The following C4orf50 variants were observed in gnomAD, a reference collection of about 807,000 sequenced individuals.
C4orf50 encodes the protein uncharacterized protein C4orf50.
A neutral mutation model predicts 77.2 loss-of-function variants in C4orf50; 80 were observed. The ratio of observed to expected loss-of-function variants is 1.04; its 90% CI spans 0.87 to 1.25. C4orf50 has a LOEUF of 1.25. Ranked by LOEUF, C4orf50 falls within the 50% of genes most tolerant of loss-of-function variation. The probability of loss-of-function intolerance (pLI) is 0.00; values close to 1 mark genes in which losing one functional copy is unlikely to be tolerated. For synonymous variants in C4orf50, 532 were observed against 465.3 expected, an observed-to-expected ratio of 1.14 and a Z score of -1.84; for missense variants, 1,257 against 1,152.9, an observed-to-expected ratio of 1.09 and a Z score of -1.31.
chr4:5,985,178 A>G (rs1466654111), intron 28 of C4orf50, among the ~76,000 whole-genome samples: 5 of 152,136 alleles, frequency 3.3e-5, no homozygotes, highest in Admixed American at 2.6e-4. Context: ...AATTGTTTTC[A>G]TAAAAAGAAA....
chr4:5,914,911 C>G (rs1397370096), intron 7 of C4orf50, among the ~76,000 whole-genome samples: 2 of 152,196 alleles, frequency 1.3e-5, no homozygotes, highest in Non-Finnish European at 2.9e-5. Flanking sequence ...TAGTCTATTT[C>G]CCTACTAGGA....
rs2152480299 is a variant in C4orf50, at chr4:5,905,723, C to T, written c.*2475-7535G>A. On this transcript the variant is annotated intron_variant, in intron 7 of 7. Transcript: ENST00000324058. This position sits in a 1 kb window ranked among gnomAD's most constrained non-coding sequence, Gnocchi z 5.4. ...GATATGGAAATTTTATGTTACTAAG[C>T]ATTCATGCACATTCTGTAGAGAGGG... Among the ~76,000 whole-genome samples, 1 of 152,344 alleles carries T rather than the reference C, an allele frequency of 6.6e-6. No homozygotes were observed. The highest frequency in any genetic ancestry group is 2.4e-5 in the African/African-American group (1 of 41,572).
At chr4:5,964,143 A>AG (rs1301240065) in intron 33 of C4orf50, among the ~76,000 whole-genome samples, 1 of 152,226 alleles carries the variant, frequency 6.6e-6, no homozygotes, top group African/African-American at 2.4e-5. Context: ...AGGGCAATTG[A>AG]GGACCTATTT....
At chr4:5,921,686 C>T (rs191300841) in intron 7 of C4orf50, among the ~76,000 whole-genome samples, 12 of 151,980 alleles carry the variant, frequency 7.9e-5, no homozygotes, top group South Asian at 6.2e-4. Context: ...AGGGGACACT[C>T]GAGAGGGTGG....
chr4:5,967,564 G>A (rs1437588844), intron 31 of C4orf50, 102 bp from the exon 10 acceptor site: 11 of 1,018,006 alleles, frequency 1.1e-5, no homozygotes, highest in Admixed American at 5.1e-5. Flanking sequence ...ACCCCTCCCC[G>A]CAAAAAACCG....
downstream of C4orf50, among the ~76,000 whole-genome samples, chr4:5,953,610 T>A (rs748446): frequency 1.3e-5 from 2 of 152,020 alleles, no homozygotes; most frequent in African/African-American, 2.4e-5. Flanking sequence ...AGGACTGTTC[T>A]CAGGCCAGGT....
At chr4:5,973,585 T>C in intron 31 of C4orf50, 74 bp downstream of exon 9, 1 of 1,252,336 alleles carries the variant, frequency 8.0e-7, no homozygotes, top group Non-Finnish European at 1.1e-6. Context: ...GCTGCTCCAG[T>C]CAGGCAGGGG....
chr4:5,973,501 A>G (rs1177980806), intron 31 of C4orf50, among the ~76,000 whole-genome samples, 158 bp downstream of exon 9: 1 of 152,116 alleles, frequency 6.6e-6, no homozygotes, highest in Admixed American at 6.5e-5. Context: ...GGGCATGGGC[A>G]TGGGCACAGA....
At chr4:5,972,131 A>C (rs756763532) in intron 31 of C4orf50, among the ~76,000 whole-genome samples, 54 of 151,568 alleles carry the variant, frequency 3.6e-4, no homozygotes, top group Non-Finnish European at 1.9e-4. Flanking sequence ...CAGCCTCCTG[A>C]GTAGCTGGGA....
At chr4:6,004,098 ATGATGG>A (rs1722046127) in intron 25 of C4orf50, among the ~76,000 whole-genome samples, 155 of 67,062 alleles carry the variant, frequency 2.3e-3, no homozygotes, top group Middle Eastern at 0.032. Context: ...GATGATGGTG[ATGATGG>A]TGATGGTGAT....
chr4:5,969,059 T>C lies in C4orf50; in HGVS notation c.4105-1597A>G, dbSNP rs551744525. The stretch of plus-strand genomic sequence containing the variant: ...AATTCTCTGAGCCTCACCCTCTCCA[T>C]CTGCGGAACAGAAATACGGTACCAA... On this transcript the variant is annotated intron_variant, in intron 31 of 33. Coordinates refer to ENST00000531445, the Ensembl canonical transcript of C4orf50. Among the ~76,000 whole-genome samples the C allele has an allele frequency of 7.2e-5, 11 of 152,204 alleles. No homozygotes were observed. In the South Asian group the frequency reaches 2.1e-3, roughly 29 times the overall value.
At chr4:5,989,908 G>A (rs1283789653) in exon 28 of C4orf50, 75 of 1,429,448 alleles carry the variant, frequency 5.2e-5, no homozygotes, top group Non-Finnish European at 6.1e-5. Flanking sequence ...CAGAAGCAGA[G>A]CATTTCCAAG....
rs962782042 is a variant in C4orf50, at chr4:6,007,521, G to A, written c.963+475C>T. On this transcript the variant is annotated intron_variant, in intron 25 of 33. Transcript: ENST00000531445. This position sits in a 1 kb window ranked among gnomAD's most constrained non-coding sequence, Gnocchi z 4.1. ...TTGGACCTCCAGCCTCCAAAAGTGT[G>A]AAAAATAAGTTTCTGTTATTTATAA... is the stretch of plus-strand genomic sequence containing the variant. 9.2e-5 allele frequency among the ~76,000 whole-genome samples: 14 copies of A among 152,088 alleles called. No individual in the cohort carries two copies. The highest frequency in any genetic ancestry group is 3.1e-4 in the African/African-American group (13 of 41,406).
At chr4:6,016,901 C>T (rs114875846) in intron 23 of C4orf50, among the ~76,000 whole-genome samples, 2 of 152,094 alleles carry the variant, frequency 1.3e-5, no homozygotes, top group South Asian at 4.2e-4. Context: ...GGGGAAGTCC[C>T]GCAAAAATCC....
In C4orf50 at chr4:5,916,380, T is replaced by G. The variant is rs1321994493; in HGVS notation, c.*2475-18192A>C. ...ACCACGCCGAACAGACAGCCTTGGG[T>G]CCCTGCCCACCACAGAGAAGGCTGG... On this transcript the variant is annotated intron_variant, in intron 7 of 7. Transcript: ENST00000324058. This position sits in a 1 kb window ranked among gnomAD's most constrained non-coding sequence, Gnocchi z 4.4. Among the ~76,000 whole-genome samples the G allele has an allele frequency of 7.1e-6, 1 of 141,684 alleles. No homozygotes were observed. The highest frequency in any genetic ancestry group is 6.6e-5 in the Admixed American group (1 of 15,096). The allele number at this position is 141,684 out of a possible 152,430, so 93.0% of individuals were successfully genotyped here.
intron 7 of C4orf50, among the ~76,000 whole-genome samples, chr4:5,950,923 C>T (rs143768362): frequency 5.1e-4 from 77 of 152,306 alleles, no homozygotes; most frequent in African/African-American, 1.1e-3. Context: ...GAATTACCTA[C>T]GGCATTAAGG....
intron 25 of C4orf50, among the ~76,000 whole-genome samples, chr4:6,002,594 G>T (rs1441948331): frequency 6.6e-6 from 1 of 152,176 alleles, no homozygotes; most frequent in African/African-American, 2.4e-5. Flanking sequence ...CCCTAGGCCT[G>T]TGGCTGGCTG....
At chr4:5,990,364 T>G in exon 28 of C4orf50, 1 of 484,172 alleles carries the variant, frequency 2.1e-6, no homozygotes, top group Non-Finnish European at 3.3e-6. Flanking sequence ...TGCCTTCCCC[T>G]CTTCAGTTCT....
chr4:5,937,388 C>T (rs1455885293), intron 7 of C4orf50, among the ~76,000 whole-genome samples: 1 of 151,748 alleles, frequency 6.6e-6, no homozygotes, highest in Admixed American at 6.6e-5. Flanking sequence ...AGGGTAGCCA[C>T]TAAAATAATG....
Sources: allele counts gnomAD v4.1 joint callset (sites outside exome capture counted in the v4.1 genomes callset), GRCh38; gene constraint gnomAD v4.1.1; non-coding constraint Gnocchi (gnomAD v3.1); transcripts MANE v1.5; gene names NCBI Gene and HGNC (gene_info 2026-07-23, HGNC 2026-07-21).